The following ZNF350 variants were observed in gnomAD, a reference collection of about 807,000 sequenced individuals.
The protein encoded by ZNF350 is zinc finger protein 350.
In ZNF350, 5 loss-of-function variants were observed where a neutral mutation model predicts 13.1. The observed-to-expected ratio is 0.38, with a 90% CI of 0.20 to 0.80. The LOEUF (loss-of-function observed/expected upper bound fraction) is 0.80, where lower values mean the gene tolerates loss of function less well. Among genes scored for constraint, ZNF350 ranks in the 30% least tolerant of loss-of-function variants. The pLI is 0.43. For missense variants in ZNF350, 534 were observed against 644.2 expected, an observed-to-expected ratio of 0.83 and a Z score of 1.85; for synonymous variants, 199 against 224.2, an observed-to-expected ratio of 0.89 and a Z score of 1.00.
intron 1 of ZNF350, among the ~76,000 whole-genome samples, chr19:51,975,848 C>G (rs1253119143): frequency 1.3e-5 from 2 of 152,194 alleles, no homozygotes; most frequent in African/African-American, 4.8e-5. Context: ...CTTAGCCTCC[C>G]GAGTAGCTGA....
chr19:51,969,544 A>G (rs2085676190), intron 2 of ZNF350, among the ~76,000 whole-genome samples: 1 of 152,172 alleles, frequency 6.6e-6, no homozygotes, highest in African/African-American at 2.4e-5. Flanking sequence ...AAAATGGCAC[A>G]GTATTGGTCA....
rs2085648421 is a variant in ZNF350 at position 51,968,745 on chromosome 19, A to G, written c.143-72T>C. 6 of 1,505,588 alleles carry G rather than the reference A, an allele frequency of 4.0e-6. No homozygotes were observed. The South Asian group carries it at 7.1e-5, about 18-fold the overall frequency. The allele number at this position is 1,505,588 out of a possible 1,614,324, so 93.3% of individuals were successfully genotyped here. A position where few individuals can be genotyped will look rare whatever the true frequency, so the allele number is the denominator to read the frequency against. On this transcript the variant is annotated intron_variant, in intron 3 of 4. Transcript: ENST00000243644. ...GGCAATGTCAAGAAGGAAGAATGTTACATTTCAAGAAACTTGAGTTTCTTA... is the reference window on the plus strand; with the variant it reads ...GGCAATGTCAAGAAGGAAGAATGTTGCATTTCAAGAAACTTGAGTTTCTTA...
chr19:51,975,990 G>A (rs1026454727), intron 1 of ZNF350, among the ~76,000 whole-genome samples: 1 of 152,258 alleles, frequency 6.6e-6, no homozygotes, highest in African/African-American at 2.4e-5. Context: ...GCAAACTCAT[G>A]ACTGCTCCGG....
Position 51,965,113 on chromosome 19 carries a change from G to GTACAC in ZNF350, c.1339_1340insGTGTA (p.Thr447SerfsTer29). 6.2e-7 allele frequency: 1 copy of GTACAC among 1,614,200 alleles called. No individual in the cohort carries two copies. ...GTTTTTCTCCTGCATGACATCACTG[G>GTACAC]TGTGTAATGAGCTGTGCCTCTCTGC... On this transcript the variant is annotated frameshift_variant, in exon 5 of 5. Coordinates refer to ENST00000243644, the MANE Select transcript of ZNF350 (RefSeq NM_021632.4). LOFTEE classifies it low-confidence loss of function (END_TRUNC).
In ZNF350 at chr19:51,976,565, A is replaced by T. The variant is rs912881600; in HGVS notation, c.-171-2034T>A. ...ACCCTGGGAAGAGTCTGCCGGCAGC[A>T]GATATAAGGTCAGTGCCCTAAAGAG... On this transcript the variant is annotated intron_variant, in intron 1 of 4. Transcript: ENST00000243644. This position sits in a 1 kb window ranked among gnomAD's most constrained non-coding sequence, Gnocchi z 4.5. 6.6e-6 allele frequency: 1 copy of T among 152,382 alleles called. No homozygotes were observed. The highest frequency in any genetic ancestry group is 1.5e-5 in the Non-Finnish European group (1 of 68,156). The allele number at this position is 152,382 out of a possible 1,614,324, so 9.4% of individuals were successfully genotyped here.
chr19:51,985,261 A>G (rs895763439), intron 1 of ZNF350, among the ~76,000 whole-genome samples: 25 of 152,200 alleles, frequency 1.6e-4, no homozygotes, highest in African/African-American at 5.5e-4. Context: ...GGTGAATTTT[A>G]CAGGTGGGTA....
At chr19:51,975,455 A>G (rs890107731) in intron 1 of ZNF350, among the ~76,000 whole-genome samples, 9 of 147,558 alleles carry the variant, frequency 6.1e-5, no homozygotes, top group Non-Finnish European at 3.0e-5. Flanking sequence ...AAAAAAAACT[A>G]GTAATTGTTT....
At chr19:51,969,785 T>C (rs1412375654) in intron 2 of ZNF350, among the ~76,000 whole-genome samples, 1 of 152,180 alleles carries the variant, frequency 6.6e-6, no homozygotes, top group Non-Finnish European at 1.5e-5. Context: ...GTTATGACCA[T>C]GCTACTGCAC....
At chr19:51,984,533 A>G (rs1168464171) in intron 1 of ZNF350, among the ~76,000 whole-genome samples, 1 of 152,214 alleles carries the variant, frequency 6.6e-6, no homozygotes, top group Non-Finnish European at 1.5e-5. Context: ...ACATCTAGAT[A>G]TACATCTCTG....
intron 2 of ZNF350, among the ~76,000 whole-genome samples, chr19:51,969,342 A>G (rs575266893): frequency 6.6e-6 from 1 of 152,222 alleles, no homozygotes; most frequent in African/African-American, 2.4e-5. Context: ...AAGTTTCTAT[A>G]AAGTGTAGAA....
chr19:51,967,143 T>C (rs887998590), intron 4 of ZNF350: 3 of 152,240 alleles, frequency 2.0e-5, no homozygotes, highest in Non-Finnish European at 4.4e-5. Flanking sequence ...ATTTGGCTGC[T>C]TTCTAAATGT....
chr19:51,968,868 G>A (rs751749683), intron 3 of ZNF350, 137 bp downstream of exon 3: 78 of 1,557,598 alleles, frequency 5.0e-5, no homozygotes, highest in African/African-American at 1.5e-4. Flanking sequence ...AGATTACACC[G>A]TCTTGTGTGG....
intron 1 of ZNF350, among the ~76,000 whole-genome samples, chr19:51,985,990 A>G (rs1798573005): frequency 6.6e-6 from 1 of 152,182 alleles, no homozygotes; most frequent in African/African-American, 2.4e-5. Flanking sequence ...CTGGGAGACA[A>G]AAGTGAAACT....
chr19:51,982,905 A>G (rs1047908814), intron 1 of ZNF350, among the ~76,000 whole-genome samples: 1 of 152,190 alleles, frequency 6.6e-6, no homozygotes, highest in African/African-American at 2.4e-5. Flanking sequence ...AATAAATGGA[A>G]CTAAGGGCGC....
intron 2 of ZNF350, 27 bp downstream of exon 2, chr19:51,974,319 G>A (rs200601059): frequency 6.2e-7 from 1 of 1,613,210 alleles, no homozygotes; most frequent in Non-Finnish European, 8.5e-7. Flanking sequence ...ACAAAGGAAA[G>A]AATAAAACAA....
At chr19:51,966,295 T>C (rs747349394) in intron 4 of ZNF350, 81 bp from the exon 5 acceptor site, 34 of 1,439,882 alleles carry the variant, frequency 2.4e-5, no homozygotes, top group Non-Finnish European at 3.0e-5. Flanking sequence ...TTTTTGTTTT[T>C]TTTTTTAAGA....
Position 51,965,588 on chromosome 19 carries a change from G to A in ZNF350, c.865C>T (p.Pro289Ser), listed in dbSNP as rs765574782. ...TTTCCACATTCACTGCATATATAGG[G>A]TTTCTCTCCGGTATGTGTTTTCTGA... ...IHQKTHTGEK[P>S]YICSECGKGF... The change falls in exon 5 of 5, where the codon CCC becomes TCC. Residue 289 changes from proline (P) to serine (S), a missense_variant. Coordinates refer to ENST00000243644, the MANE Select transcript of ZNF350 (RefSeq NM_021632.4). 1.2e-6 allele frequency: 2 copies of A among 1,614,146 alleles called. No homozygotes were observed. The highest frequency in any genetic ancestry group is 2.2e-5 in the South Asian group (2 of 91,078).
intron 1 of ZNF350, among the ~76,000 whole-genome samples, chr19:51,975,256 A>T (rs2085851935): frequency 6.6e-6 from 1 of 152,078 alleles, no homozygotes; most frequent in Non-Finnish European, 1.5e-5. Flanking sequence ...ATCACCTGAC[A>T]TCAGGAGTCC....
At chr19:51,973,240 C>G (rs577313392) in intron 2 of ZNF350, 1 of 152,144 alleles carries the variant, frequency 6.6e-6, no homozygotes, top group East Asian at 1.9e-4. Flanking sequence ...CCACCGCGCC[C>G]AGCCGAAATT....
Sources: gnomAD v4.1 joint callset for allele counts (sites outside exome capture counted in the v4.1 genomes callset) on GRCh38, gnomAD v4.1.1 for gene constraint, Gnocchi (gnomAD v3.1) non-coding constraint, MANE v1.5 for transcripts, NCBI Gene and HGNC (gene_info 2026-07-23, HGNC 2026-07-21) for gene names.